Variants in TBXT observed in about 807,000 individuals in gnomAD.
TBXT encodes T brachyury transcription factor.
TBXT carries 19 observed loss-of-function variants against 41.1 expected under a neutral mutation model. The ratio of observed to expected loss-of-function variants is 0.46; its 90% confidence interval spans 0.32 to 0.68. The LOEUF (loss-of-function observed/expected upper bound fraction) is 0.68. TBXT is among the 30% of genes least tolerant of loss of function. The probability of loss-of-function intolerance (pLI) is 0.03; values close to 1 mark genes in which losing one functional copy is unlikely to be tolerated. For synonymous variants in TBXT, 213 were observed against 238.9 expected (o/e 0.89, Z 1.00); for missense variants, 536 against 582.0 (o/e 0.92, Z 0.81).
Position 166,158,126 on chromosome 6 carries a change from G to T in TBXT, c.*189C>A. 2 of 864,708 alleles carry T rather than the reference G, an allele frequency of 2.3e-6. No homozygotes were observed. The highest frequency in any genetic ancestry group is 3.6e-6 in the Non-Finnish European group (2 of 548,694). 53.6% of individuals were successfully genotyped at this position (864,708 alleles called of 1,614,324 possible). ...GGGACAGCACCGCTACTGCAGGTGTGAGCAAGGGATGCTGGGGCTCTGGGG... is the reference window on the plus strand; with the variant it reads ...GGGACAGCACCGCTACTGCAGGTGTTAGCAAGGGATGCTGGGGCTCTGGGG... On this transcript the variant is annotated 3_prime_UTR_variant, in exon 8 of 8. Transcript: ENST00000366876.
In TBXT at chr6:166,162,579, C is replaced by T; in HGVS notation, c.775G>A (p.Ala259Thr). 1 of 1,614,080 alleles carries T rather than the reference C, an allele frequency of 6.2e-7. No homozygotes were observed. Among genetic ancestry groups the T allele is most frequent in the Non-Finnish European group, 8.5e-7 (1 of 1,179,988 alleles). Residue 259 changes from alanine to threonine, a missense_variant, in exon 6 of 8, where the codon GCA becomes ACA. Physicochemically the swap from Ala to Thr is moderately conservative, Grantham distance 58. Transcript: ENST00000366876. The part of the protein sequence containing the change: ...LPGTSTLCPP[A>T]NPHPQFGGAL... ...CCTCCAAACTGAGGATGAGGATTTG[C>T]AGGTGGACACAGGGTGCTGGTTCCA...
intron 6 of TBXT, 91 bp from the exon 7 acceptor site, chr6:166,161,057 G>A (rs986409293): frequency 2.8e-5 from 43 of 1,528,132 alleles, no homozygotes; most frequent in South Asian, 2.2e-4. Flanking sequence ...CTGAAGCTAC[G>A]TAACACTGAA....
At chr6:166,167,006 G>T in intron 1 of TBXT, 150 bp from the exon 2 acceptor site, 1 of 1,388,900 alleles carries the variant, frequency 7.2e-7, no homozygotes, top group Non-Finnish European at 9.9e-7. Flanking sequence ...CCCCTTCCCC[G>T]AGCCCTGCCA....
rs2305088 is a variant in TBXT, at chr6:166,164,471, G to A, written c.730+134C>T. The A allele has an allele frequency of 0.13, 132,126 of 1,043,580 alleles. 11,550 individuals carry two copies. The highest frequency in any genetic ancestry group is 0.39 in the East Asian group (16,562 of 42,254). 64.6% of individuals were successfully genotyped at this position (1,043,580 alleles called of 1,614,324 possible). A position where few individuals can be genotyped will look rare whatever the true frequency, so the allele number is the denominator to read the frequency against. The stretch of plus-strand genomic sequence containing the variant: ...TCAACATCACAGGGCCAAGAGCCTC[G>A]CATGGCAAAAAGGCAATCTTACATC... On this transcript the variant is annotated intron_variant, in intron 5 of 7. Coordinates refer to ENST00000366876, the MANE Select transcript of TBXT (RefSeq NM_001366285.2).
At chr6:166,159,016 C>CA (rs1778874025) in intron 7 of TBXT, among the ~76,000 whole-genome samples, 1 of 152,162 alleles carries the variant, frequency 6.6e-6, no homozygotes, top group Admixed American at 6.5e-5. Flanking sequence ...CTACTAAATA[C>CA]AAAAAATTGG....
chr6:166,162,535 G>A lies in TBXT; in HGVS notation c.819C>T (p.Ser273=). The A allele has an allele frequency of 6.2e-7, 1 of 1,614,164 alleles. No individual in the cohort carries two copies. The highest frequency in any genetic ancestry group is 8.5e-7 in the Non-Finnish European group (1 of 1,180,024). The part of the protein sequence containing the change: ...PQFGGALSLP[S]THSCDRYPTL... The stretch of plus-strand genomic sequence containing the variant: ...TTGGGTACCTGTCACAGCTGTGCGT[G>A]GAGGGGAGGGAGAGGGCACCTCCAA... Residue 273 remains serine, a synonymous_variant, in exon 6 of 8, where the codon TCC becomes TCT. Coordinates refer to ENST00000366876, the MANE Select transcript of TBXT (RefSeq NM_001366285.2).
rs781706833 is a variant in TBXT at position 166,160,910 on chromosome 6, A to ATT, written c.963_964insAA (p.Ser322AsnfsTer15). On this transcript the variant is annotated frameshift_variant, in exon 7 of 8. Transcript: ENST00000366876. LOFTEE classifies it high-confidence loss of function. ...GGATGGGCAGGCATTCCAAGGCTGGACCAATTGTCATGGGATTGCAGCATG... is the reference window on the plus strand; with the variant it reads ...GGATGGGCAGGCATTCCAAGGCTGGATTCCAATTGTCATGGGATTGCAGCATG... 2 of 1,614,152 alleles carry ATT rather than the reference A, an allele frequency of 1.2e-6. No homozygotes were observed. The highest frequency in any genetic ancestry group is 2.7e-5 in the African/African-American group (2 of 75,042).
intron 7 of TBXT, among the ~76,000 whole-genome samples, chr6:166,158,860 T>C (rs1232080154): frequency 2.0e-5 from 3 of 152,204 alleles, no homozygotes; most frequent in Admixed American, 1.3e-4. Context: ...GAAAGAGCGC[T>C]GTTAAGTTTC....
Position 166,161,882 on chromosome 6 carries a change from G to C in TBXT, c.907+565C>G, listed in dbSNP as rs148067410. Among the ~76,000 whole-genome samples the C allele has an allele frequency of 3.2e-4, 49 of 152,280 alleles. No homozygotes were observed. The East Asian group carries it at 5.6e-3, about 17-fold the overall frequency. On this transcript the variant is annotated intron_variant, in intron 6 of 7. Coordinates refer to ENST00000366876, the MANE Select transcript of TBXT (RefSeq NM_001366285.2). ...AGCTTGCAGTGAGCCGAGATCGTGC[G>C]ACTGCACTCCAGCCTGGGCGACAGA... is the stretch of plus-strand genomic sequence containing the variant.
In TBXT at chr6:166,160,841, A is replaced by G; in HGVS notation, c.1033T>C (p.Ser345Pro). The change falls in exon 7 of 8, where the codon TCC (serine) becomes CCC (proline). Residue 345 changes from serine to proline, a missense_variant. Transcript: ENST00000366876. ...CAGGTCCTGGACATACATTACCTGG[A>G]GCTGGTAGGTGGGCTGGCATTGTGG... is the stretch of plus-strand genomic sequence containing the variant. ...VSHNASPPTS[S>P]SQYPSLWSVS... is the part of the protein sequence containing the mutation. The G allele has an allele frequency of 1.9e-6, 3 of 1,614,110 alleles. No homozygotes were observed. Among genetic ancestry groups the G allele is most frequent in the Non-Finnish European group, 2.5e-6 (3 of 1,180,004 alleles).
At chr6:166,167,354 G>T in intron 1 of TBXT, 32 bp downstream of exon 1, 2 of 1,610,434 alleles carry the variant, frequency 1.2e-6, no homozygotes, top group Non-Finnish European at 1.7e-6. Flanking sequence ...GCTGGAGAGC[G>T]CGGCGCGCGC....
At position 166,167,382 on chromosome 6, in the gene TBXT, C is replaced by T. The variant is rs1047682700; in HGVS notation, c.206+4G>A. On this transcript the variant is annotated splice_donor_region_variant and intron_variant, in intron 1 of 7. Coordinates refer to ENST00000366876, the MANE Select transcript of TBXT (RefSeq NM_001366285.2). ...GCGCGCGCGGGCTCCGGACGCGCAC[C>T]CACCTGCCGTTCTTGGTCACGATCA... 1.9e-6 allele frequency: 3 copies of T among 1,612,704 alleles called. No homozygotes were observed. The highest frequency in any genetic ancestry group is 1.1e-5 in the South Asian group (1 of 91,070).
chr6:166,162,258 C>A (rs1048257823), intron 6 of TBXT, among the ~76,000 whole-genome samples, 189 bp downstream of exon 6: 1 of 152,338 alleles, frequency 6.6e-6, no homozygotes, highest in Admixed American at 6.5e-5. Flanking sequence ...GTGGTTGTTC[C>A]GCCAGCAGCG....
rs371635418 is a variant in TBXT, at chr6:166,166,642, C to T, written c.421G>A (p.Val141Ile). ...GTGAGCTTGACTTTGCTGAAGGAGA[C>T]GGGAGCCTTCATCCAGTGGGCCCCG... is the stretch of plus-strand genomic sequence containing the variant. ...NFGAHWMKAPVSFSKVKLTNK... is the reference protein window; with the variant it reads ...NFGAHWMKAPISFSKVKLTNK... The change falls in exon 2 of 8, where the codon GTC becomes ATC. Residue 141 changes from valine to isoleucine, a missense_variant. By Grantham distance (29) the Val-to-Ile change is conservative. Transcript: ENST00000366876. 6.8e-6 allele frequency: 11 copies of T among 1,614,056 alleles called. No homozygotes were observed. Among genetic ancestry groups the T allele is most frequent in the Non-Finnish European group, 9.3e-6 (11 of 1,180,038 alleles).
Position 166,165,731 on chromosome 6 carries a change from G to A in TBXT, c.581C>T (p.Ala194Val). The stretch of plus-strand genomic sequence containing the variant: ...CTCCTCGTTCTGATAAGCAGTCACC[G>A]CTATGAACTGGGTCTCAGGGAAGCA... ...SHCFPETQFIAVTAYQNEEIT... is the reference protein window; with the variant it reads ...SHCFPETQFIVVTAYQNEEIT... The change falls in exon 3 of 8, where the codon GCG (alanine) becomes GTG (valine). Residue 194 changes from alanine (A) to valine (V), a missense_variant. Ala to Val is a moderately conservative substitution (Grantham distance 64, BLOSUM62 0). Transcript: ENST00000366876. The A allele has an allele frequency of 6.2e-7, 1 of 1,614,142 alleles. No individual in the cohort carries two copies. The highest frequency in any genetic ancestry group is 8.5e-7 in the Non-Finnish European group (1 of 1,180,032).
upstream of TBXT, chr6:166,167,879 T>G (rs995975903): frequency 2.9e-5 from 15 of 523,936 alleles, no homozygotes; most frequent in Non-Finnish European, 5.2e-5. Context: ...GCCCTCCCCA[T>G]AAATAGAGCC....
Position 166,158,009 on chromosome 6 carries a change from A to G in TBXT, c.*306T>C. On this transcript the variant is annotated 3_prime_UTR_variant, in exon 8 of 8. Coordinates refer to ENST00000366876, the MANE Select transcript of TBXT (RefSeq NM_001366285.2). ...CACTGTATGAGAAATAAACCAAAAA[A>G]AGTTTCTGGACCCTGGCAAACATTT... The G allele has an allele frequency of 1.9e-6, 1 of 516,358 alleles. No individual in the cohort carries two copies. The highest frequency in any genetic ancestry group is 3.5e-6 in the Non-Finnish European group (1 of 285,758). 32.0% of individuals were successfully genotyped at this position (516,358 alleles called of 1,614,324 possible).
At position 166,167,774 on chromosome 6, in the gene TBXT, G is replaced by C. The variant is rs1215392166; in HGVS notation, c.-183C>G. ...GAGGAGGGCGCGGACCAAGACTTGG[G>C]GGGAGGGGACGGGGGCAGAGGGGTG... is the stretch of plus-strand genomic sequence containing the variant. On this transcript the variant is annotated 5_prime_UTR_variant, in exon 1 of 8. Transcript: ENST00000366876. The C allele has an allele frequency of 5.7e-6, 4 of 701,062 alleles. No individual in the cohort carries two copies. Among genetic ancestry groups the C allele is most frequent in the Non-Finnish European group, 9.5e-6 (4 of 419,518 alleles). 43.4% of individuals were successfully genotyped at this position (701,062 alleles called of 1,614,324 possible).
At chr6:166,163,640 T>TC (rs1165381386) in intron 5 of TBXT, among the ~76,000 whole-genome samples, 3 of 152,220 alleles carry the variant, frequency 2.0e-5, no homozygotes, top group Non-Finnish European at 4.4e-5. Flanking sequence ...CAACTTGGCC[T>TC]CCCAAAGTGT....
Sources: gnomAD v4.1 joint callset for allele counts (sites outside exome capture counted in the v4.1 genomes callset) on GRCh38, gnomAD v4.1.1 for gene constraint, MANE v1.5 for transcripts, NCBI Gene and HGNC (gene_info 2026-07-23, HGNC 2026-07-21) for gene names.